Variants in MTX2 observed in about 807,000 individuals in gnomAD.
MTX2 encodes metaxin-2.
A neutral mutation model predicts 42.3 loss-of-function variants in MTX2; 35 were observed. The ratio of observed to expected loss-of-function variants is 0.83; its 90% CI spans 0.63 to 1.10. The LOEUF is 1.10. Ranked by LOEUF, MTX2 falls within the 50% of genes least tolerant of loss-of-function variation. The probability of loss-of-function intolerance (pLI) is 0.00; values close to 1 mark genes in which losing one functional copy is unlikely to be tolerated. For missense variants in MTX2, 307 were observed against 304.1 expected, an observed-to-expected ratio of 1.01 and a Z score of -0.07; for synonymous variants, 119 against 100.9, an observed-to-expected ratio of 1.18 and a Z score of -1.08.
intron 9 of MTX2, among the ~76,000 whole-genome samples, chr2:176,332,164 TTAGA>T (rs1257890390): frequency 1.2e-4 from 18 of 151,354 alleles, no homozygotes; most frequent in African/African-American, 2.7e-4. Flanking sequence ...TGCGTGATAC[TTAGA>T]TAAACATTTT....
chr2:176,330,509 C>A, intron 8 of MTX2, 75 bp from the exon 9 acceptor site: 2 of 1,034,942 alleles, frequency 1.9e-6, no homozygotes, highest in Non-Finnish European at 2.8e-6. Flanking sequence ...AACTGTGATA[C>A]AAGTTACGTT....
Position 176,337,579 on chromosome 2 carries a change from T to A in MTX2, c.707T>A (p.Val236Glu). 6.2e-7 allele frequency: 1 copy of A among 1,613,446 alleles called. No homozygotes were observed. Among genetic ancestry groups the A allele is most frequent in the South Asian group, 1.1e-5 (1 of 91,010 alleles). ...QLTNDELSEK[V>E]KNYSNLLAFC... is the part of the protein sequence containing the mutation. ...ACAAATGATGAACTTTCTGAGAAGG[T>A]GAAAAACTATAGCAACCTCCTTGCT... The change falls in exon 10 of 10, where the codon GTG (valine) becomes GAG (glutamate). Residue 236 changes from valine to glutamate, a missense_variant. Transcript: ENST00000249442.
At chr2:176,278,922 G>A (rs1052199146) in intron 1 of MTX2, among the ~76,000 whole-genome samples, 12 of 151,800 alleles carry the variant, frequency 7.9e-5, no homozygotes, top group African/African-American at 2.9e-4. Flanking sequence ...TCTTATTTTT[G>A]TACGCTCTAT....
chr2:176,270,726 C>G (rs1359173249), intron 1 of MTX2, among the ~76,000 whole-genome samples: 1 of 152,028 alleles, frequency 6.6e-6, no homozygotes, highest in Non-Finnish European at 1.5e-5. Flanking sequence ...TCCTTCTTCA[C>G]TTAAAAACAT....
At chr2:176,309,481 T>C (rs1231693240) in intron 3 of MTX2, among the ~76,000 whole-genome samples, 1 of 152,178 alleles carries the variant, frequency 6.6e-6, no homozygotes, top group East Asian at 1.9e-4. Flanking sequence ...TGTCTGATAT[T>C]GACAGTGGGG....
chr2:176,318,056 A>G lies in MTX2; in HGVS notation c.136-5336A>G, dbSNP rs75638694. ...CTCTGCCCTGCTAAGTCTGCTTTCC[A>G]TCTTAGAAAAATGGGTTGACATCTC... On this transcript the variant is annotated intron_variant, in intron 3 of 9. Coordinates refer to ENST00000249442, the MANE Select transcript of MTX2 (RefSeq NM_006554.5). 8.2e-3 allele frequency among the ~76,000 whole-genome samples: 1,252 copies of G among 152,094 alleles called. 5 individuals are homozygous for G. Among genetic ancestry groups the G allele is most frequent in the Non-Finnish European group, 0.013 (867 of 67,986 alleles).
chr2:176,335,584 A>T (rs1684968565), intron 9 of MTX2, among the ~76,000 whole-genome samples: 1 of 152,016 alleles, frequency 6.6e-6, no homozygotes. Flanking sequence ...ATAATGAAGA[A>T]TAAGTGGTGG....
At position 176,328,871 on chromosome 2, in the gene MTX2, T is replaced by C. The variant is rs1179757049; in HGVS notation, c.379-3T>C. On this transcript the variant is annotated splice_polypyrimidine_tract_variant and splice_region_variant and intron_variant, in intron 6 of 9. Coordinates refer to ENST00000249442, the MANE Select transcript of MTX2 (RefSeq NM_006554.5). The stretch of plus-strand genomic sequence containing the variant: ...AGTTTAGTGACTGTTCTTTTGTTCC[T>C]AGCTGTATCTTCAGTGGTGTGATGA... 5 of 1,606,370 alleles carry C rather than the reference T, an allele frequency of 3.1e-6. No individual in the cohort carries two copies. Among genetic ancestry groups the C allele is most frequent in the Non-Finnish European group, 4.3e-6 (5 of 1,174,886 alleles).
At chr2:176,280,659 A>G (rs1011145572) in intron 1 of MTX2, among the ~76,000 whole-genome samples, 1 of 152,184 alleles carries the variant, frequency 6.6e-6, no homozygotes, top group African/African-American at 2.4e-5. Flanking sequence ...TAAGGAGGCA[A>G]TTCTCCTTAG....
chr2:176,309,021 C>T (rs574838751), intron 3 of MTX2, among the ~76,000 whole-genome samples: 144 of 152,116 alleles, frequency 9.5e-4, no homozygotes, highest in African/African-American at 3.2e-3. Context: ...TTTCTCTTGT[C>T]GGCATTTAGT....
intron 3 of MTX2, among the ~76,000 whole-genome samples, chr2:176,305,804 T>C (rs950503768): frequency 2.0e-5 from 3 of 152,152 alleles, no homozygotes; most frequent in African/African-American, 4.8e-5. Flanking sequence ...TGAAGTGATA[T>C]GTCTTCAAAT....
In MTX2 at chr2:176,323,425, G is replaced by A; in HGVS notation, c.169G>A (p.Val57Ile). The change falls in exon 4 of 10, where the codon GTA becomes ATA. Residue 57 changes from valine to isoleucine, a missense_variant. Val to Ile is a conservative substitution (Grantham distance 29). Transcript: ENST00000249442. ...GCAAATGTGTAACTTGCCTATCAAA[G>A]TAGTTTGTAGGGCAAATGCAGAATA... ...FLQMCNLPIKVVCRANAEYMS... is the reference protein window; with the variant it reads ...FLQMCNLPIKIVCRANAEYMS... 1.2e-6 allele frequency: 2 copies of A among 1,611,346 alleles called. No individual in the cohort carries two copies. Among genetic ancestry groups the A allele is most frequent in the Non-Finnish European group, 1.7e-6 (2 of 1,178,260 alleles).
At chr2:176,333,397 G>A (rs1684905918) in intron 9 of MTX2, among the ~76,000 whole-genome samples, 1 of 151,546 alleles carries the variant, frequency 6.6e-6, no homozygotes, top group South Asian at 2.1e-4. Context: ...TGTTAAGTCA[G>A]GTTTATTGAT....
At chr2:176,328,459 G>T (rs1684774205) in intron 6 of MTX2, 74 bp downstream of exon 6, 1 of 980,650 alleles carries the variant, frequency 1.0e-6, no homozygotes, top group Non-Finnish European at 1.4e-6. Flanking sequence ...TTTCTTATGG[G>T]TTAAAGTTAT....
chr2:176,301,454 G>C (rs1478780310), intron 3 of MTX2, among the ~76,000 whole-genome samples: 1 of 152,122 alleles, frequency 6.6e-6, no homozygotes, highest in African/African-American at 2.4e-5. Flanking sequence ...TATGAGGTAA[G>C]TGCTGTATAA....
At position 176,282,139 on chromosome 2, in the gene MTX2, T is replaced by G. The variant is rs1273849934; in HGVS notation, c.40+12470T>G. ...AGAGTTACAGTAGTTTTTTTTTTTT[T>G]TTTTTTTTTTTTTTTGCTGTCAGAT... On this transcript the variant is annotated intron_variant, in intron 1 of 9. Coordinates refer to ENST00000249442, the MANE Select transcript of MTX2 (RefSeq NM_006554.5). Among the ~76,000 whole-genome samples, 23 of 141,962 alleles carry G rather than the reference T, an allele frequency of 1.6e-4. 1 individual carries two copies. The highest frequency in any genetic ancestry group is 2.3e-4 in the South Asian group (1 of 4,264). The allele number at this position is 141,962 out of a possible 152,430, so 93.1% of individuals were successfully genotyped here.
rs183516033 is a variant in MTX2 at position 176,275,319 on chromosome 2, A to G, written c.40+5650A>G. ...AGTGGCACAACCTTGGCTCACTGCA[A>G]CCTCCACCTCCCAGGTTCAAGTTAT... On this transcript the variant is annotated intron_variant, in intron 1 of 9. Transcript: ENST00000249442. 1.3e-4 allele frequency among the ~76,000 whole-genome samples: 20 copies of G among 151,862 alleles called. No homozygotes were observed. The East Asian group carries it at 3.7e-3, about 28-fold the overall frequency.
chr2:176,324,241 T>C (rs941114793), intron 4 of MTX2, among the ~76,000 whole-genome samples: 5 of 151,598 alleles, frequency 3.3e-5, no homozygotes, highest in African/African-American at 1.2e-4. Context: ...GGAGACATTT[T>C]TCATTTTGAT....
rs970149307 is a variant in MTX2 at position 176,337,547 on chromosome 2, A to G, written c.675A>G (p.Thr225=). 1.2e-6 allele frequency: 2 copies of G among 1,613,292 alleles called. No homozygotes were observed. The highest frequency in any genetic ancestry group is 1.7e-5 in the Admixed American group (1 of 59,954). ...VFGHLYTILT[T]QLTNDELSEK... ...GCCATCTATACACCATTCTTACCAC[A>G]CAATTGACAAATGATGAACTTTCTG... is the stretch of plus-strand genomic sequence containing the variant. Residue 225 remains threonine, a synonymous_variant, in exon 10 of 10, where the codon ACA becomes ACG. Transcript: ENST00000249442.
Sources: allele counts gnomAD v4.1 joint callset (sites outside exome capture counted in the v4.1 genomes callset), GRCh38; gene constraint gnomAD v4.1.1; transcripts MANE v1.5; gene names NCBI Gene and HGNC (gene_info 2026-07-23, HGNC 2026-07-21).